Variants in ARHGAP24 observed in about 807,000 individuals in gnomAD.
The protein encoded by ARHGAP24 is Rho GTPase activating protein 24.
In ARHGAP24, 50 loss-of-function variants were observed where a neutral mutation model predicts 76.4. That is an observed-to-expected ratio of 0.65 (90% CI 0.52 to 0.83). The LOEUF is 0.83. Among genes scored for constraint, ARHGAP24 ranks in the 40% least tolerant of loss-of-function variants. The pLI is 0.00. For synonymous variants in ARHGAP24, 345 were observed against 323.3 expected (o/e 1.07, Z -0.72); for missense variants, 930 against 914.2 (o/e 1.02, Z -0.22).
chr4:85,828,046 A>C (rs1729806776), intron 3 of ARHGAP24: 1 of 1,147,564 alleles, frequency 8.7e-7, no homozygotes, highest in Non-Finnish European at 1.2e-6. Flanking sequence ...GTGTTTAATA[A>C]TTTGGGGATA....
chr4:85,752,976 A>G (rs1726319850), intron 3 of ARHGAP24, among the ~76,000 whole-genome samples: 1 of 152,220 alleles, frequency 6.6e-6, no homozygotes, highest in East Asian at 1.9e-4. Context: ...TTTTCACAGC[A>G]CTGATTAAAA....
intron 1 of ARHGAP24, among the ~76,000 whole-genome samples, chr4:85,476,427 C>CT (rs1377283400): frequency 6.6e-6 from 1 of 151,958 alleles, no homozygotes; most frequent in Non-Finnish European, 1.5e-5. Context: ...TTATGTTACT[C>CT]TTTTTTTAAC....
intron 3 of ARHGAP24, among the ~76,000 whole-genome samples, chr4:85,728,318 T>C (rs1476352296): frequency 1.3e-5 from 2 of 151,706 alleles, no homozygotes; most frequent in East Asian, 3.9e-4. Context: ...AATGCAATCA[T>C]TGACTGTAGT....
intron 3 of ARHGAP24, among the ~76,000 whole-genome samples, chr4:85,888,413 A>AG (rs1394087968): frequency 6.6e-6 from 1 of 150,978 alleles, no homozygotes; most frequent in East Asian, 1.9e-4. Flanking sequence ...AAAAAAAAAA[A>AG]AAAAAGAAAG....
At chr4:85,668,368 G>A (rs1019824608) in intron 2 of ARHGAP24, among the ~76,000 whole-genome samples, 4 of 152,184 alleles carry the variant, frequency 2.6e-5, no homozygotes, top group African/African-American at 9.7e-5. Context: ...TTTACTGGGT[G>A]CAGGCACTTA....
intron 3 of ARHGAP24, among the ~76,000 whole-genome samples, chr4:85,746,661 G>C (rs890097914): frequency 6.6e-6 from 1 of 151,616 alleles, no homozygotes; most frequent in Non-Finnish European, 1.5e-5. Flanking sequence ...GTTGTGTTTT[G>C]TTTTTTTTAG....
chr4:85,705,647 T>C (rs1179644623), intron 2 of ARHGAP24, among the ~76,000 whole-genome samples: 1 of 152,230 alleles, frequency 6.6e-6, no homozygotes, highest in Non-Finnish European at 1.5e-5. Context: ...ATGAGTTAAT[T>C]GCTAGTGTTA....
At chr4:85,738,077 T>C (rs1223057113) in intron 3 of ARHGAP24, among the ~76,000 whole-genome samples, 2 of 151,942 alleles carry the variant, frequency 1.3e-5, no homozygotes, top group South Asian at 2.1e-4. Flanking sequence ...CCCACCACCA[T>C]GCCCAGCTAA....
intron 3 of ARHGAP24, among the ~76,000 whole-genome samples, chr4:85,765,240 C>T (rs1342629615): frequency 1.3e-5 from 2 of 152,050 alleles, no homozygotes; most frequent in Non-Finnish European, 2.9e-5. Context: ...ATATGGTAAG[C>T]CTGACTTGAA....
intron 8 of ARHGAP24, among the ~76,000 whole-genome samples, chr4:85,982,018 A>G (rs1002446796): frequency 6.6e-6 from 1 of 151,528 alleles, no homozygotes; most frequent in Non-Finnish European, 1.5e-5. Flanking sequence ...GGAAATGGGG[A>G]TTTGTCTCGA....
intron 3 of ARHGAP24, among the ~76,000 whole-genome samples, chr4:85,754,421 A>C (rs1726394468): frequency 6.6e-6 from 1 of 152,180 alleles, no homozygotes; most frequent in Admixed American, 6.5e-5. Context: ...AAGTACTGAA[A>C]TTTCAATTAG....
intron 2 of ARHGAP24, among the ~76,000 whole-genome samples, chr4:85,579,663 C>T (rs1727527385): frequency 6.6e-6 from 1 of 152,074 alleles, no homozygotes; most frequent in African/African-American, 2.4e-5. Context: ...GTTTTGATCA[C>T]TTTTTATGTA....
At chr4:85,533,804 A>G (rs1323279339) in intron 1 of ARHGAP24, among the ~76,000 whole-genome samples, 1 of 152,194 alleles carries the variant, frequency 6.6e-6, no homozygotes, top group Non-Finnish European at 1.5e-5. Context: ...TTCAAATGTA[A>G]TAAGATCCCA....
intron 2 of ARHGAP24, among the ~76,000 whole-genome samples, chr4:85,693,399 C>T (rs1236722334): frequency 6.6e-6 from 1 of 152,204 alleles, no homozygotes; most frequent in African/African-American, 2.4e-5. Flanking sequence ...ATGACTCACT[C>T]GCCTGCCAGC....
At chr4:85,667,742 A>G (rs974296450) in intron 2 of ARHGAP24, among the ~76,000 whole-genome samples, 5 of 152,228 alleles carry the variant, frequency 3.3e-5, no homozygotes, top group Non-Finnish European at 5.9e-5. Context: ...TTCTGTATCC[A>G]GTATCATAAA....
chr4:85,813,992 T>C (rs1729128282), intron 3 of ARHGAP24, among the ~76,000 whole-genome samples: 1 of 151,870 alleles, frequency 6.6e-6, no homozygotes, highest in Admixed American at 6.6e-5. Flanking sequence ...GTGAAAGGCA[T>C]GTCTCAAATG....
intron 3 of ARHGAP24, among the ~76,000 whole-genome samples, chr4:85,845,282 G>A (rs1175394799): frequency 6.6e-6 from 1 of 152,092 alleles, no homozygotes; most frequent in Non-Finnish European, 1.5e-5. Flanking sequence ...ATTTTATTAT[G>A]CAGACAAATT....
At position 85,496,890 on chromosome 4, in the gene ARHGAP24, G is replaced by A. The variant is rs74881078; in HGVS notation, c.-21+21331G>A. On this transcript the variant is annotated intron_variant, in intron 1 of 9. Transcript: ENST00000395184. ...AAAAGTCCCGCCAACAAAATACAGA[G>A]AAATGAGTATGAAATTTAGGAATGA... 4.5e-3 allele frequency among the ~76,000 whole-genome samples: 679 copies of A among 152,230 alleles called. 4 individuals are homozygous for A. Among genetic ancestry groups the A allele is most frequent in the African/African-American group, 0.013 (548 of 41,540 alleles).
intron 5 of ARHGAP24, among the ~76,000 whole-genome samples, chr4:85,967,909 T>C (rs1485516880): frequency 6.6e-6 from 1 of 152,106 alleles, no homozygotes; most frequent in African/African-American, 2.4e-5. Context: ...CTACCACATG[T>C]GCAGGTTATA....
Sources: gnomAD v4.1 joint callset for allele counts (sites outside exome capture counted in the v4.1 genomes callset) on GRCh38, gnomAD v4.1.1 for gene constraint, MANE v1.5 for transcripts, NCBI Gene and HGNC (gene_info 2026-07-23, HGNC 2026-07-21) for gene names.